PLXNA2: variants seen among roughly 807,000 people sequenced by gnomAD.
The protein encoded by PLXNA2 is plexin A2.
Under a neutral mutation model 193.5 loss-of-function variants are expected in PLXNA2, and 91 were observed. The ratio of observed to expected loss-of-function variants is 0.47; its 90% confidence interval spans 0.40 to 0.56. The LOEUF (loss-of-function observed/expected upper bound fraction) is 0.56, where lower values mean the gene tolerates loss of function less well. PLXNA2 is among the 20% of genes least tolerant of loss of function. The pLI is 0.00. For synonymous variants in PLXNA2, 997 were observed against 1,027.3 expected (o/e 0.97, Z 0.56); for missense variants, 1,995 against 2,503.2 (o/e 0.80, Z 4.33).
chr1:208,240,637 C>T lies in PLXNA2; in HGVS notation c.-81+3006G>A, dbSNP rs578020672. Among the ~76,000 whole-genome samples, 211 of 152,026 alleles carry T rather than the reference C, an allele frequency of 1.4e-3. 1 individual carries two copies. Among genetic ancestry groups the T allele is most frequent in the Admixed American group, 3.9e-3 (59 of 15,272 alleles). On this transcript the variant is annotated intron_variant, in intron 1 of 31. Coordinates refer to ENST00000367033, the MANE Select transcript of PLXNA2 (RefSeq NM_025179.4). Reference sequence around the variant, plus strand: ...ATTGGGGCTGAGGGGGGAACGCACACGAGCTGTAAAACTCCCAGCACCTCA... The same window carrying T: ...ATTGGGGCTGAGGGGGGAACGCACATGAGCTGTAAAACTCCCAGCACCTCA...
At chr1:208,155,031 G>T (rs1196563151) in intron 3 of PLXNA2, among the ~76,000 whole-genome samples, 1 of 152,204 alleles carries the variant, frequency 6.6e-6, no homozygotes, top group Non-Finnish European at 1.5e-5. Context: ...TCTTCAGGGG[G>T]ACATGGGGGA....
chr1:208,149,465 T>C (rs1668689186), intron 3 of PLXNA2, among the ~76,000 whole-genome samples: 1 of 151,942 alleles, frequency 6.6e-6, no homozygotes, highest in South Asian at 2.1e-4. Flanking sequence ...GTATGTGGTG[T>C]ATGTATGTAT....
chr1:208,148,433 T>A (rs944403458), intron 3 of PLXNA2, among the ~76,000 whole-genome samples: 1 of 152,206 alleles, frequency 6.6e-6, no homozygotes, highest in African/African-American at 2.4e-5. Flanking sequence ...AAGGTTTTCT[T>A]TCATTGGCTG....
chr1:208,101,794 G>C (rs893022620), intron 5 of PLXNA2, among the ~76,000 whole-genome samples: 2 of 152,184 alleles, frequency 1.3e-5, no homozygotes, highest in South Asian at 4.1e-4. Context: ...ACAGAGTGGC[G>C]GAGGCATGGG....
chr1:208,045,811 C>T, intron 18 of PLXNA2, 67 bp downstream of exon 18: 1 of 1,588,556 alleles, frequency 6.3e-7, no homozygotes, highest in Non-Finnish European at 8.6e-7. Context: ...AAAGTCAGGC[C>T]AGGAGCGAGG....
intron 3 of PLXNA2, among the ~76,000 whole-genome samples, chr1:208,182,955 G>A (rs1669891091): frequency 6.6e-6 from 1 of 152,170 alleles, no homozygotes; most frequent in Non-Finnish European, 1.5e-5. Context: ...AGCTGGGGCT[G>A]CCAACCTCCT....
chr1:208,223,292 G>C (rs1313765686), intron 1 of PLXNA2, among the ~76,000 whole-genome samples: 1 of 151,590 alleles, frequency 6.6e-6, no homozygotes, highest in African/African-American at 2.4e-5. Flanking sequence ...AAATTGACCA[G>C]GGCGACTCAA....
At chr1:208,033,752 T>G (rs915116453) in intron 27 of PLXNA2, among the ~76,000 whole-genome samples, 2 of 152,224 alleles carry the variant, frequency 1.3e-5, no homozygotes, top group Non-Finnish European at 2.9e-5. Context: ...AGAGACATCC[T>G]TGGGAATTTG....
At chr1:208,107,506 C>T (rs1189584382) in intron 4 of PLXNA2, among the ~76,000 whole-genome samples, 1 of 152,140 alleles carries the variant, frequency 6.6e-6, no homozygotes, top group Non-Finnish European at 1.5e-5. Flanking sequence ...AAGTTCAAGC[C>T]TCCGCAGTCA....
chr1:208,126,855 A>C (rs1192430985), intron 4 of PLXNA2, among the ~76,000 whole-genome samples: 1 of 152,208 alleles, frequency 6.6e-6, no homozygotes, highest in East Asian at 1.9e-4. Flanking sequence ...TCCCTACCTC[A>C]GAAGCACTCC....
intron 3 of PLXNA2, among the ~76,000 whole-genome samples, chr1:208,171,617 G>A (rs149601797): frequency 0.019 from 2,925 of 152,316 alleles, 93 homozygotes; most frequent in African/African-American, 0.065. Flanking sequence ...GGGAGGCCAA[G>A]GCGGGAGGAT....
At chr1:208,192,426 C>T (rs1572016353) in intron 3 of PLXNA2, among the ~76,000 whole-genome samples, 1 of 152,074 alleles carries the variant, frequency 6.6e-6, no homozygotes, top group Non-Finnish European at 1.5e-5. Context: ...CCTAAAATGT[C>T]ATCATCTGCC....
chr1:208,085,709 C>T (rs1666497080), intron 9 of PLXNA2, among the ~76,000 whole-genome samples: 1 of 152,228 alleles, frequency 6.6e-6, no homozygotes, highest in Admixed American at 6.5e-5. Flanking sequence ...TCTCTGGGCC[C>T]CACTTGCAAG....
Position 208,098,975 on chromosome 1 carries a change from A to G in PLXNA2, c.1608-6T>C. 6.2e-7 allele frequency: 1 copy of G among 1,612,696 alleles called. No individual in the cohort carries two copies. The highest frequency in any genetic ancestry group is 8.5e-7 in the Non-Finnish European group (1 of 1,179,928). ...ATTTGTCCCTGCGGGAGCACCTGCCATAAACACAGATTCACAAGAGGTCAG... is the reference window on the plus strand; with the variant it reads ...ATTTGTCCCTGCGGGAGCACCTGCCGTAAACACAGATTCACAAGAGGTCAG... On this transcript the variant is annotated splice_polypyrimidine_tract_variant and splice_region_variant and intron_variant, in intron 5 of 31. Coordinates refer to ENST00000367033, the MANE Select transcript of PLXNA2 (RefSeq NM_025179.4).
At chr1:208,073,440 C>G (rs972170204) in intron 12 of PLXNA2, among the ~76,000 whole-genome samples, 1 of 152,218 alleles carries the variant, frequency 6.6e-6, no homozygotes, top group African/African-American at 2.4e-5. Flanking sequence ...GAAGAGGCTG[C>G]ATAACCTAGC....
chr1:208,217,428 C>A lies in PLXNA2; in HGVS notation c.495G>T (p.Thr165=). ...KEHYLSSVNK[T]GTMYGVIVRS... ...GCACAATCACCCCGTACATGGTGCC[C>A]GTCTTGTTGACACTGGACAGGTAGT... is the stretch of plus-strand genomic sequence containing the variant. The change falls in exon 2 of 32, where the codon ACG becomes ACT. Residue 165 remains threonine (T), a synonymous_variant. Coordinates refer to ENST00000367033, the MANE Select transcript of PLXNA2 (RefSeq NM_025179.4). This position sits in a 1 kb window ranked among gnomAD's most constrained non-coding sequence, Gnocchi z 4.7. 1 of 1,614,168 alleles carries A rather than the reference C, an allele frequency of 6.2e-7. No homozygotes were observed. Among genetic ancestry groups the A allele is most frequent in the Non-Finnish European group, 8.5e-7 (1 of 1,180,044 alleles).
At chr1:208,203,706 G>A (rs1291354062) in intron 3 of PLXNA2, among the ~76,000 whole-genome samples, 1 of 152,182 alleles carries the variant, frequency 6.6e-6, no homozygotes, top group Non-Finnish European at 1.5e-5. Flanking sequence ...GAGGGTGGGG[G>A]TGAGCATATA....
At chr1:208,185,539 C>A (rs1256693752) in intron 3 of PLXNA2, among the ~76,000 whole-genome samples, 1 of 151,918 alleles carries the variant, frequency 6.6e-6, no homozygotes, top group Non-Finnish European at 1.5e-5. Context: ...CCCACAAAGA[C>A]TGCTTGGGGT....
intron 4 of PLXNA2, among the ~76,000 whole-genome samples, chr1:208,119,489 C>G (rs7540266): frequency 3.9e-5 from 6 of 152,218 alleles, no homozygotes; most frequent in Non-Finnish European, 8.8e-5. Context: ...CTAAGTGATA[C>G]GGAAAGGTGA....
Sources: gnomAD v4.1 joint callset for allele counts (sites outside exome capture counted in the v4.1 genomes callset) on GRCh38, gnomAD v4.1.1 for gene constraint, Gnocchi (gnomAD v3.1) non-coding constraint, MANE v1.5 for transcripts, NCBI Gene and HGNC (gene_info 2026-07-23, HGNC 2026-07-21) for gene names.